The following FBXL20 variants were observed in gnomAD, a reference collection of about 807,000 sequenced individuals.
FBXL20 encodes the protein F-box and leucine rich repeat protein 20.
Under a neutral mutation model 64.0 loss-of-function variants are expected in FBXL20, and 11 were observed. That is an observed-to-expected ratio of 0.17 (90% CI 0.11 to 0.28). The LOEUF is 0.28. FBXL20 is among the 10% of genes least tolerant of loss of function. The pLI, the probability that FBXL20 is intolerant of heterozygous loss-of-function variation, is 1.00. For missense variants in FBXL20, 303 were observed against 526.2 expected (o/e 0.58, Z 4.15); for synonymous variants, 184 against 189.0 (o/e 0.97, Z 0.22).
intron 1 of FBXL20, among the ~76,000 whole-genome samples, chr17:39,375,614 A>C (rs879406230): frequency 2.6e-5 from 4 of 152,184 alleles, no homozygotes; most frequent in Non-Finnish European, 1.5e-5. Context: ...ATCATTACAC[A>C]TTTTATGCCT....
chr17:39,359,239 G>A (rs1167048359), intron 1 of FBXL20, among the ~76,000 whole-genome samples: 2 of 152,096 alleles, frequency 1.3e-5, no homozygotes, highest in Non-Finnish European at 2.9e-5. Flanking sequence ...GGGAAACTGA[G>A]GCAGGAAAAT....
intron 3 of FBXL20, 133 bp from the exon 4 acceptor site, chr17:39,301,208 C>T (rs1284787003): frequency 5.8e-6 from 4 of 695,350 alleles, no homozygotes; most frequent in Non-Finnish European, 1.0e-5. Context: ...TATCCACTTA[C>T]TCCCAAATGA....
At chr17:39,399,627 C>A (rs2048221542) in intron 1 of FBXL20, among the ~76,000 whole-genome samples, 1 of 151,926 alleles carries the variant, frequency 6.6e-6, no homozygotes, top group African/African-American at 2.4e-5. Flanking sequence ...CCACCTTATT[C>A]TTTTTTTTAC....
At chr17:39,350,070 A>G (rs1248585580) in intron 1 of FBXL20, among the ~76,000 whole-genome samples, 1 of 152,142 alleles carries the variant, frequency 6.6e-6, no homozygotes, top group Non-Finnish European at 1.5e-5. Flanking sequence ...AATCATTTTA[A>G]TTTTAGAAAA....
At chr17:39,265,661 C>T (rs1459131227) in intron 12 of FBXL20, among the ~76,000 whole-genome samples, 1 of 151,788 alleles carries the variant, frequency 6.6e-6, no homozygotes, top group African/African-American at 2.4e-5. Flanking sequence ...CACAAGCCAC[C>T]AGGACTAATT....
intron 2 of FBXL20, among the ~76,000 whole-genome samples, chr17:39,318,664 A>G (rs564802652): frequency 6.6e-6 from 1 of 152,238 alleles, no homozygotes; most frequent in South Asian, 2.1e-4. Flanking sequence ...CGCTTGAACC[A>G]GGGAGGCGAA....
intron 1 of FBXL20, among the ~76,000 whole-genome samples, chr17:39,390,330 G>A (rs1761827398): frequency 6.6e-6 from 1 of 152,066 alleles, no homozygotes; most frequent in Non-Finnish European, 1.5e-5. Flanking sequence ...AGAGGCCGAG[G>A]CAGGTGGATC....
intron 2 of FBXL20, among the ~76,000 whole-genome samples, chr17:39,335,410 G>C (rs2047510678): frequency 6.6e-6 from 1 of 151,600 alleles, no homozygotes; most frequent in African/African-American, 2.4e-5. Flanking sequence ...TCCCGCTGCA[G>C]TGTCTCTACT....
chr17:39,380,538 T>C (rs1421160386), intron 1 of FBXL20, among the ~76,000 whole-genome samples: 1 of 152,208 alleles, frequency 6.6e-6, no homozygotes, highest in Non-Finnish European at 1.5e-5. Context: ...TCTGCTCAAA[T>C]ATTACCTTAA....
chr17:39,333,347 G>A (rs915126203), intron 2 of FBXL20, among the ~76,000 whole-genome samples: 2 of 152,210 alleles, frequency 1.3e-5, no homozygotes, highest in Non-Finnish European at 2.9e-5. Flanking sequence ...GGGTTTCCCC[G>A]TGTTGGCCGG....
intron 1 of FBXL20, among the ~76,000 whole-genome samples, chr17:39,380,071 C>A (rs763503475): frequency 1.2e-4 from 18 of 152,108 alleles, no homozygotes; most frequent in Non-Finnish European, 2.5e-4. Context: ...CTACTATAAT[C>A]AACTTGATGC....
rs1195843889 is a variant in FBXL20 at position 39,254,959 on chromosome 17, G to C, written c.*6501C>G. 6.6e-6 allele frequency: 1 copy of C among 152,530 alleles called. No homozygotes were observed. The highest frequency in any genetic ancestry group is 1.9e-4 in the East Asian group (1 of 5,320). 9.4% of individuals were successfully genotyped at this position (152,530 alleles called of 1,614,324 possible). On this transcript the variant is annotated 3_prime_UTR_variant, in exon 15 of 15. Coordinates refer to ENST00000264658, the MANE Select transcript of FBXL20 (RefSeq NM_032875.3). ...CACTTATTTAAAAACAAGAGGCAGAGATGGAAGAAGCGCATATGGACTTTC... is the reference window on the plus strand; with the variant it reads ...CACTTATTTAAAAACAAGAGGCAGACATGGAAGAAGCGCATATGGACTTTC...
At chr17:39,360,437 T>G (rs1384775132) in intron 1 of FBXL20, among the ~76,000 whole-genome samples, 1 of 152,208 alleles carries the variant, frequency 6.6e-6, no homozygotes, top group African/African-American at 2.4e-5. Context: ...AATTTCACAC[T>G]GTTGTCAATT....
At chr17:39,359,348 AAAC>A (rs886568909) in intron 1 of FBXL20, among the ~76,000 whole-genome samples, 5 of 151,980 alleles carry the variant, frequency 3.3e-5, no homozygotes, top group Non-Finnish European at 7.4e-5. Flanking sequence ...TCTCAAAAAC[AAAC>A]AACAGAGGTG....
chr17:39,301,227 A>C (rs9890198), intron 3 of FBXL20, 152 bp from the exon 4 acceptor site: 104,594 of 633,176 alleles, frequency 0.17, 9,589 homozygotes, highest in African/African-American at 0.25. Flanking sequence ...GATGTGTCTT[A>C]CTCCTGACCC....
At chr17:39,389,639 A>G (rs1417148154) in intron 1 of FBXL20, among the ~76,000 whole-genome samples, 4 of 152,106 alleles carry the variant, frequency 2.6e-5, no homozygotes, top group African/African-American at 9.7e-5. Context: ...TAACACGGTG[A>G]AACCCTGTCT....
At chr17:39,323,098 T>C (rs987260573) in intron 2 of FBXL20, among the ~76,000 whole-genome samples, 2 of 151,908 alleles carry the variant, frequency 1.3e-5, no homozygotes, top group African/African-American at 2.4e-5. Flanking sequence ...GCCTCCCGAG[T>C]AGCTGAGACT....
intron 1 of FBXL20, among the ~76,000 whole-genome samples, chr17:39,348,536 C>G (rs2047656437): frequency 6.6e-6 from 1 of 152,106 alleles, no homozygotes; most frequent in Non-Finnish European, 1.5e-5. Context: ...AAGCAATCTT[C>G]CTGCCTCAGC....
intron 1 of FBXL20, among the ~76,000 whole-genome samples, chr17:39,382,787 C>A (rs1212575711): frequency 6.6e-6 from 1 of 152,010 alleles, no homozygotes; most frequent in Non-Finnish European, 1.5e-5. Flanking sequence ...CTGCAGTGAG[C>A]TATGATCCTA....
Sources: gnomAD v4.1 joint callset for allele counts (sites outside exome capture counted in the v4.1 genomes callset) on GRCh38, gnomAD v4.1.1 for gene constraint, MANE v1.5 for transcripts, NCBI Gene and HGNC (gene_info 2026-07-23, HGNC 2026-07-21) for gene names.